The following SAFB variants were observed in gnomAD, a reference collection of about 807,000 sequenced individuals.
SAFB encodes scaffold attachment factor B, also known as scaffold attachment factor B1.
A neutral mutation model predicts 101.6 loss-of-function variants in SAFB; 15 were observed. The ratio of observed to expected loss-of-function variants is 0.15; its 90% CI spans 0.10 to 0.23. SAFB has a LOEUF of 0.23. SAFB is among the 10% of genes least tolerant of loss of function. The pLI is 1.00. For synonymous variants in SAFB, 449 were observed against 407.5 expected, an observed-to-expected ratio of 1.10 and a Z score of -1.23; for missense variants, 930 against 1,104.1, an observed-to-expected ratio of 0.84 and a Z score of 2.23.
Position 5,667,974 on chromosome 19 carries a change from T to C in SAFB, c.2624+88T>C. Reference sequence around the variant, plus strand: ...GGCTTAACAACCAAGTCCTTCCAGCTAGTGCCCCTCCCCCCAAGGGTGACG... The same window carrying C: ...GGCTTAACAACCAAGTCCTTCCAGCCAGTGCCCCTCCCCCCAAGGGTGACG... On this transcript the variant is annotated intron_variant, in intron 20 of 20. Coordinates refer to ENST00000588852, the MANE Select transcript of SAFB (RefSeq NM_001201338.2). The surrounding 1 kb of genome is among the most constrained non-coding windows in gnomAD (Gnocchi z 4.0). 1 of 1,449,816 alleles carries C rather than the reference T, an allele frequency of 6.9e-7. No homozygotes were observed. Among genetic ancestry groups the C allele is most frequent in the African/African-American group, 1.4e-5 (1 of 70,874 alleles). The allele number at this position is 1,449,816 out of a possible 1,614,324, so 89.8% of individuals were successfully genotyped here. A position where few individuals can be genotyped will look rare whatever the true frequency, so the allele number is the denominator to read the frequency against.
rs780766960 is a variant in SAFB, at chr19:5,667,182, G to A, written c.2453+18G>A. The stretch of plus-strand genomic sequence containing the variant: ...CCCCCCAGGTTTGTGTCCCACACCC[G>A]ACAGTACCTGACCCCCCCCCCGCCC... On this transcript the variant is annotated intron_variant, in intron 18 of 20. Transcript: ENST00000588852. This position sits in a 1 kb window ranked among gnomAD's most constrained non-coding sequence, Gnocchi z 4.0. The A allele has an allele frequency of 1.6e-5, 23 of 1,420,478 alleles. No individual in the cohort carries two copies. The highest frequency in any genetic ancestry group is 8.5e-5 in the South Asian group (7 of 82,772). The allele number at this position is 1,420,478 out of a possible 1,614,324, so 88.0% of individuals were successfully genotyped here.
At chr19:5,645,028 T>G (rs2053797199) in intron 4 of SAFB, among the ~76,000 whole-genome samples, 2 of 152,264 alleles carry the variant, frequency 1.3e-5, no homozygotes, top group African/African-American at 4.8e-5. Context: ...CAGATCCACT[T>G]AGAGGCTGTG....
At chr19:5,635,271 A>G (rs2053572371) in intron 2 of SAFB, among the ~76,000 whole-genome samples, 1 of 152,148 alleles carries the variant, frequency 6.6e-6, no homozygotes, top group South Asian at 2.1e-4. Flanking sequence ...CTGCCGTAGC[A>G]TGGAGTCAAA....
chr19:5,631,648 G>A (rs2053491929), intron 2 of SAFB, among the ~76,000 whole-genome samples: 1 of 152,090 alleles, frequency 6.6e-6, no homozygotes, highest in Non-Finnish European at 1.5e-5. Context: ...ACAGCACTTG[G>A]CCAAAACAGA....
intron 4 of SAFB, among the ~76,000 whole-genome samples, chr19:5,644,195 A>AGAG (rs1204019375): frequency 1.3e-5 from 2 of 152,090 alleles, no homozygotes; most frequent in African/African-American, 4.8e-5. Context: ...TTAGTGTCAG[A>AGAG]GAGGAGTCCT....
chr19:5,666,784 A>C (rs2054335770), intron 17 of SAFB: 1 of 533,032 alleles, frequency 1.9e-6, no homozygotes, highest in Non-Finnish European at 3.4e-6. Context: ...TGGCCCTCCC[A>C]GCTCTGGTGG....
chr19:5,625,768 G>A (rs2145388318), intron 1 of SAFB, among the ~76,000 whole-genome samples: 1 of 152,294 alleles, frequency 6.6e-6, no homozygotes, highest in Non-Finnish European at 1.5e-5. Context: ...AATATCCGAT[G>A]AGGCACAATC....
chr19:5,659,767 GA>G (rs1193421272), intron 14 of SAFB, among the ~76,000 whole-genome samples: 1 of 152,066 alleles, frequency 6.6e-6, no homozygotes. Flanking sequence ...TCTGCTGGGG[GA>G]GTAATGAACA....
intron 8 of SAFB, among the ~76,000 whole-genome samples, 177 bp downstream of exon 8, chr19:5,650,152 C>T (rs1362521331): frequency 1.3e-5 from 2 of 152,272 alleles, no homozygotes; most frequent in South Asian, 2.1e-4. Flanking sequence ...AGGAAGCATA[C>T]CAGGTCCTAA....
At chr19:5,642,903 G>C (rs1440695595) in intron 4 of SAFB, among the ~76,000 whole-genome samples, 1 of 151,910 alleles carries the variant, frequency 6.6e-6, no homozygotes, top group African/African-American at 2.4e-5. Context: ...TTGACCTCAG[G>C]TGATCCGCCT....
At position 5,631,701 on chromosome 19, in the gene SAFB, A is replaced by G. The variant is rs140736175; in HGVS notation, c.274+5212A>G. Among the ~76,000 whole-genome samples, 91 of 152,350 alleles carry G rather than the reference A, an allele frequency of 6.0e-4. 2 individuals carry two copies. The highest frequency in any genetic ancestry group is 3.4e-3 in the Middle Eastern group (1 of 294). On this transcript the variant is annotated intron_variant, in intron 2 of 20. Transcript: ENST00000588852. ...TTTTTTAAAAACTGCTTATACAGCA[A>G]AAGTCACATTCCACATGACGTGACT... is the stretch of plus-strand genomic sequence containing the variant.
intron 2 of SAFB, among the ~76,000 whole-genome samples, chr19:5,634,333 C>CCG (rs2053551044): frequency 6.6e-6 from 1 of 151,500 alleles, no homozygotes; most frequent in Non-Finnish European, 1.5e-5. Context: ...AAATTCTGGG[C>CCG]GGGGGGGAAT....
intron 13 of SAFB, among the ~76,000 whole-genome samples, 159 bp downstream of exon 13, chr19:5,654,615 A>G (rs1173395717): frequency 1.3e-5 from 2 of 152,104 alleles, no homozygotes; most frequent in East Asian, 1.9e-4. Context: ...ACAGGTTCTC[A>G]CTCTGTTGCC....
At chr19:5,653,007 A>C (rs2053973090) in intron 9 of SAFB, 108 bp from the exon 10 acceptor site, 1 of 1,105,026 alleles carries the variant, frequency 9.0e-7, no homozygotes, top group African/African-American at 1.6e-5. Context: ...CCCCAGTCTA[A>C]CACTTGTCGG....
intron 4 of SAFB, among the ~76,000 whole-genome samples, chr19:5,643,277 G>A (rs936283937): frequency 2.6e-5 from 4 of 151,910 alleles, no homozygotes; most frequent in African/African-American, 9.7e-5. Flanking sequence ...TCTTGTCCTG[G>A]TCCTTAGGTC....
At chr19:5,658,618 C>T (rs1460520777) in intron 14 of SAFB, among the ~76,000 whole-genome samples, 5 of 148,650 alleles carry the variant, frequency 3.4e-5, no homozygotes, top group African/African-American at 7.5e-5. Context: ...CCGAGGCTGG[C>T]GGATCACGAG....
chr19:5,647,995 T>C (rs559468689), intron 5 of SAFB, 21 bp from the exon 6 acceptor site: 2 of 1,609,172 alleles, frequency 1.2e-6, no homozygotes, highest in Admixed American at 1.7e-5. Flanking sequence ...GGCACAGTCT[T>C]ATTTACGTTT....
intron 13 of SAFB, 115 bp downstream of exon 13, chr19:5,654,571 G>T: frequency 1.3e-6 from 1 of 740,978 alleles, no homozygotes; most frequent in East Asian, 2.5e-5. Context: ...CGGCCGTTTC[G>T]AAAATGTAGA....
intron 13 of SAFB, among the ~76,000 whole-genome samples, 162 bp downstream of exon 13, chr19:5,654,618 C>G (rs1386469312): frequency 6.6e-6 from 1 of 152,220 alleles, no homozygotes; most frequent in East Asian, 1.9e-4. Context: ...GGTTCTCACT[C>G]TGTTGCCCAG....
Sources: gnomAD v4.1 joint callset for allele counts (sites outside exome capture counted in the v4.1 genomes callset) on GRCh38, gnomAD v4.1.1 for gene constraint, Gnocchi (gnomAD v3.1) non-coding constraint, MANE v1.5 for transcripts, NCBI Gene and HGNC (gene_info 2026-07-23, HGNC 2026-07-21) for gene names.